The following FLVCR1 variants were observed in gnomAD, a reference collection of about 807,000 sequenced individuals.
FLVCR1 encodes choline/ethanolamine transporter FLVCR1.
Under a neutral mutation model 53.6 loss-of-function variants are expected in FLVCR1, and 34 were observed. That is an observed-to-expected ratio of 0.63 (90% CI 0.48 to 0.84). The LOEUF (loss-of-function observed/expected upper bound fraction) is 0.84. FLVCR1 is among the 40% of genes least tolerant of loss of function. The pLI is 0.00. For synonymous variants in FLVCR1, 300 were observed against 286.3 expected, an observed-to-expected ratio of 1.05 and a Z score of -0.48; for missense variants, 677 against 696.7, an observed-to-expected ratio of 0.97 and a Z score of 0.32.
chr1:212,880,627 G>T (rs1306000554), intron 3 of FLVCR1, among the ~76,000 whole-genome samples: 1 of 151,982 alleles, frequency 6.6e-6, no homozygotes, highest in Non-Finnish European at 1.5e-5. Context: ...GTGAAACCCG[G>T]TCTCTAATAA....
chr1:212,883,170 T>C (rs1432794726), intron 3 of FLVCR1, among the ~76,000 whole-genome samples: 1 of 152,166 alleles, frequency 6.6e-6, no homozygotes, highest in Admixed American at 6.5e-5. Flanking sequence ...TACAGTTAGG[T>C]GTTAAATTCA....
At position 212,896,273 on chromosome 1, in the gene FLVCR1, G is replaced by C. The variant is rs939055563; in HGVS notation, c.*983G>C. On this transcript the variant is annotated 3_prime_UTR_variant, in exon 10 of 10. Coordinates refer to ENST00000366971, the MANE Select transcript of FLVCR1 (RefSeq NM_014053.4). ...AATAAGGAAATCTATAATAACTTCA[G>C]ATAGCCTACATGTCCCCATTTAGTG... is the stretch of plus-strand genomic sequence containing the variant. 2 of 152,062 alleles carry C rather than the reference G, an allele frequency of 1.3e-5. No individual in the cohort carries two copies. Among genetic ancestry groups the C allele is most frequent in the African/African-American group, 4.8e-5 (2 of 41,388 alleles). The allele number at this position is 152,062 out of a possible 1,614,324, so 9.4% of individuals were successfully genotyped here.
At chr1:212,869,848 A>G (rs1558111349) in intron 2 of FLVCR1, among the ~76,000 whole-genome samples, 1 of 152,252 alleles carries the variant, frequency 6.6e-6, no homozygotes, top group Non-Finnish European at 1.5e-5. Flanking sequence ...GAAGTCAGAA[A>G]TATTTTCATT....
rs144013956 is a variant in FLVCR1 at position 212,872,695 on chromosome 1, C to T, written c.901C>T (p.Arg301Trp). ...LTAIAFKEKP[R>W]YPPSQAQAAL... ...ATTCTCAGCCTTCAAAGAAAAACCT[C>T]GGTATCCACCAAGTCAGGCTCAAGC... Residue 301 changes from arginine to tryptophan, a missense_variant, in exon 3 of 10, where the codon CGG becomes TGG. Transcript: ENST00000366971. 120 of 1,613,238 alleles carry T rather than the reference C, an allele frequency of 7.4e-5. No individual in the cohort carries two copies. The highest frequency in any genetic ancestry group is 1.3e-4 in the South Asian group (12 of 91,060).
At chr1:212,894,928 C>T in intron 8 of FLVCR1, 58 bp from the exon 9 acceptor site, 1 of 1,195,172 alleles carries the variant, frequency 8.4e-7, no homozygotes, top group Admixed American at 1.7e-5. Context: ...CTTTGAGCTG[C>T]TTTTTAAAAA....
At chr1:212,859,249 G>T (rs753661762) in intron 1 of FLVCR1, 59 bp downstream of exon 1, 12 of 1,611,620 alleles carry the variant, frequency 7.4e-6, no homozygotes, top group Non-Finnish European at 1.0e-5. Context: ...AAAGTCATAG[G>T]CCGTGAGAAC....
At chr1:212,864,639 A>G (rs987444965) in intron 2 of FLVCR1, 3 of 152,266 alleles carry the variant, frequency 2.0e-5, no homozygotes, top group African/African-American at 7.2e-5. Flanking sequence ...TTAGGCACTC[A>G]TCTGAAATTG....
chr1:212,880,321 G>A (rs2102560436), intron 3 of FLVCR1, among the ~76,000 whole-genome samples: 1 of 152,278 alleles, frequency 6.6e-6, no homozygotes, highest in African/African-American at 2.4e-5. Flanking sequence ...AGTGAAGTAA[G>A]GGCCAAGAAC....
Position 212,877,319 on chromosome 1 carries a change from A to G in FLVCR1, c.1024+4501A>G, listed in dbSNP as rs775666175. 2.6e-5 allele frequency among the ~76,000 whole-genome samples: 4 copies of G among 151,674 alleles called. No individual in the cohort carries two copies. In the East Asian group the frequency reaches 5.8e-4, roughly 22 times the overall value. On this transcript the variant is annotated intron_variant, in intron 3 of 9. Transcript: ENST00000366971. ...ATGTTTATATTATCTCCCCAATTAG[A>G]TGATCAGTACTCCCTCCCGAGTAGC...
intron 2 of FLVCR1, among the ~76,000 whole-genome samples, chr1:212,865,485 A>ATT (rs58544929): frequency 7.5e-6 from 1 of 133,656 alleles, no homozygotes; most frequent in African/African-American, 3.0e-5. Flanking sequence ...TGCAATAGGG[A>ATT]TTTTTTTTTT....
intron 8 of FLVCR1, among the ~76,000 whole-genome samples, chr1:212,893,007 C>T (rs1299936860): frequency 1.3e-5 from 2 of 150,570 alleles, no homozygotes; most frequent in Non-Finnish European, 2.9e-5. Flanking sequence ...GAAGAGGTAA[C>T]TGAATTGCTG....
chr1:212,890,869 C>T (rs1056875002), intron 8 of FLVCR1, among the ~76,000 whole-genome samples: 4 of 152,182 alleles, frequency 2.6e-5, no homozygotes, highest in African/African-American at 9.6e-5. Context: ...CCTAAGGTCG[C>T]TCACTCAATT....
chr1:212,863,582 C>CAA (rs3086478), intron 1 of FLVCR1, 143 bp from the exon 2 acceptor site: 14,117 of 590,184 alleles, frequency 0.024, 29 homozygotes, highest in East Asian at 0.03. Flanking sequence ...GACTTTGTCT[C>CAA]AAAAAAAAAA....
At chr1:212,860,444 T>G (rs1664197507) in intron 1 of FLVCR1, among the ~76,000 whole-genome samples, 1 of 146,176 alleles carries the variant, frequency 6.8e-6, no homozygotes, top group Admixed American at 7.1e-5. Flanking sequence ...CACCTCTGCC[T>G]CCCGAAGTGC....
In FLVCR1 at chr1:212,896,154, G is replaced by A. The variant is rs780815502; in HGVS notation, c.*864G>A. 6.9e-6 allele frequency: 1 copy of A among 143,890 alleles called. No homozygotes were observed. The highest frequency in any genetic ancestry group is 2.0e-4 in the East Asian group (1 of 5,034). The allele number at this position is 143,890 out of a possible 1,614,324, so 8.9% of individuals were successfully genotyped here. A position where few individuals can be genotyped will look rare whatever the true frequency, so the allele number is the denominator to read the frequency against. On this transcript the variant is annotated 3_prime_UTR_variant, in exon 10 of 10. Coordinates refer to ENST00000366971, the MANE Select transcript of FLVCR1 (RefSeq NM_014053.4). ...TCTCTTTTTTTTTTTTTCCTGATGT[G>A]TAACTTTCTAGTAAGATAATTTCAT...
At chr1:212,885,211 C>A in intron 4 of FLVCR1, 82 bp from the exon 5 acceptor site, 1 of 948,846 alleles carries the variant, frequency 1.1e-6, no homozygotes, top group Non-Finnish European at 1.7e-6. Flanking sequence ...TTTTCATTGA[C>A]TATGAAAAGG....
chr1:212,883,458 A>G lies in FLVCR1; in HGVS notation c.1092+20A>G. 1.4e-6 allele frequency: 2 copies of G among 1,460,678 alleles called. No homozygotes were observed. The highest frequency in any genetic ancestry group is 4.5e-5 in the East Asian group (2 of 44,068). 90.5% of individuals were successfully genotyped at this position (1,460,678 alleles called of 1,614,324 possible). A position where few individuals can be genotyped will look rare whatever the true frequency, so the allele number is the denominator to read the frequency against. On this transcript the variant is annotated intron_variant, in intron 4 of 9. Coordinates refer to ENST00000366971, the MANE Select transcript of FLVCR1 (RefSeq NM_014053.4). ...TATGAGGTAAGCTTCTGCTTATATC[A>G]GATTGCATGCCTGGCCAAAAATTTT...
At chr1:212,885,059 A>T (rs7533932) in intron 4 of FLVCR1, among the ~76,000 whole-genome samples, 104,385 of 152,026 alleles carry the variant, frequency 0.69, 37,391 homozygotes, top group East Asian at 1. Context: ...AGGAAAATTT[A>T]CCTTTTTTAT....
rs936752830 is a variant in FLVCR1, at chr1:212,885,278, G to A, written c.1093-15G>A. On this transcript the variant is annotated splice_polypyrimidine_tract_variant and intron_variant, in intron 4 of 9. Coordinates refer to ENST00000366971, the MANE Select transcript of FLVCR1 (RefSeq NM_014053.4). The stretch of plus-strand genomic sequence containing the variant: ...TCCATTTATTTGATCAACTTCTTAC[G>A]CAAATTTTTTTCAGGGAGAAGAAGT... 6.9e-6 allele frequency: 11 copies of A among 1,587,168 alleles called. No individual in the cohort carries two copies. Among genetic ancestry groups the A allele is most frequent in the South Asian group, 2.2e-5 (2 of 90,578 alleles).
Sources: allele counts gnomAD v4.1 joint callset (sites outside exome capture counted in the v4.1 genomes callset), GRCh38; gene constraint gnomAD v4.1.1; transcripts MANE v1.5; gene names NCBI Gene and HGNC (gene_info 2026-07-23, HGNC 2026-07-21).